CLK4: variants seen among roughly 807,000 people sequenced by gnomAD.
CLK4 encodes the protein CDC like kinase 4, also known as dual specificity protein kinase CLK4.
In CLK4, 37 loss-of-function variants were observed where a neutral mutation model predicts 64.4. The observed-to-expected ratio is 0.57, with a 90% confidence interval of 0.44 to 0.76. The LOEUF (loss-of-function observed/expected upper bound fraction) is 0.76. CLK4 is among the 30% of genes least tolerant of loss of function. The probability of loss-of-function intolerance (pLI) is 0.00; values close to 1 mark genes in which losing one functional copy is unlikely to be tolerated. For synonymous variants in CLK4, 175 were observed against 191.6 expected (o/e 0.91, Z 0.72); for missense variants, 457 against 605.1 (o/e 0.76, Z 2.57).
rs1231293975 is a variant in CLK4 at position 178,603,909 on chromosome 5, G to A, written c.1240C>T (p.Gln414Ter). ...TRKRKYFHHN[Q>*]LDWDEHSSAG... ...GAACTGTGTTCATCCCAATCTAGCT[G>A]GTTATGGTGAAAATACTTGCGTTTT... is the stretch of plus-strand genomic sequence containing the variant. The change falls in exon 12 of 13, where the codon CAG becomes TAG. Residue 414 changes from glutamine (Q) to a stop codon, truncating the protein, a stop_gained. Transcript: ENST00000316308. LOFTEE classifies it high-confidence loss of function. 6.2e-7 allele frequency: 1 copy of A among 1,606,980 alleles called. No homozygotes were observed. The highest frequency in any genetic ancestry group is 8.5e-7 in the Non-Finnish European group (1 of 1,178,076).
intron 5 of CLK4, among the ~76,000 whole-genome samples, chr5:178,615,819 T>A (rs1056118574): frequency 2.6e-5 from 4 of 152,018 alleles, no homozygotes; most frequent in Admixed American, 1.3e-4. Context: ...AAAATAGAGG[T>A]CCTAGAGGAA....
At chr5:178,609,749 AT>A (rs1764529349) in intron 9 of CLK4, among the ~76,000 whole-genome samples, 4 of 148,010 alleles carry the variant, frequency 2.7e-5, no homozygotes, top group South Asian at 4.2e-4. Context: ...ATATATATAT[AT>A]ATATATAAAT....
chr5:178,623,194 C>CA lies in CLK4; in HGVS notation c.161+61dup, dbSNP rs1193217423. Reference sequence around the variant, plus strand: ...ATTTGACAGATGAAAGCTATATAAGCAAATGACAAATCATTTAAAACTATT... The same window carrying CA: ...ATTTGACAGATGAAAGCTATATAAGCAAAATGACAAATCATTTAAAACTATT... On this transcript the variant is annotated intron_variant, in intron 2 of 12. Coordinates refer to ENST00000316308, the MANE Select transcript of CLK4 (RefSeq NM_020666.3). 4.2e-6 allele frequency: 6 copies of CA among 1,424,140 alleles called. No homozygotes were observed. The African/African-American group carries it at 8.5e-5, about 20-fold the overall frequency. 88.2% of individuals were successfully genotyped at this position (1,424,140 alleles called of 1,614,324 possible).
Position 178,617,658 on chromosome 5 carries a change from A to G in CLK4, c.385-224T>C. 2.7e-6 allele frequency: 1 copy of G among 367,766 alleles called. No homozygotes were observed. The highest frequency in any genetic ancestry group is 4.7e-6 in the Non-Finnish European group (1 of 211,704). The allele number at this position is 367,766 out of a possible 1,614,324, so 22.8% of individuals were successfully genotyped here. The stretch of plus-strand genomic sequence containing the variant: ...AACATGGCAAGGAACAGATTTTCAG[A>G]TAAGATACTTAAAGTGGCAATAGAA... On this transcript the variant is annotated intron_variant, in intron 3 of 12. Transcript: ENST00000316308. The surrounding 1 kb of genome is among the most constrained non-coding windows in gnomAD (Gnocchi z 5.2).
chr5:178,603,833 T>C lies in CLK4; in HGVS notation c.1305+11A>G, dbSNP rs749622627. 1 of 1,597,990 alleles carries C rather than the reference T, an allele frequency of 6.3e-7. No homozygotes were observed. On this transcript the variant is annotated intron_variant, in intron 12 of 12. Coordinates refer to ENST00000316308, the MANE Select transcript of CLK4 (RefSeq NM_020666.3). ...CGTGGTTTATTTAACCTTTAATCTT[T>C]TTTCTTTTACCTTCAACGGTTTGCA...
At chr5:178,625,254 C>A (rs1414260449) in intron 1 of CLK4, among the ~76,000 whole-genome samples, 1 of 152,002 alleles carries the variant, frequency 6.6e-6, no homozygotes, top group Non-Finnish European at 1.5e-5. Context: ...CTGGGCAACA[C>A]GGCGAAACCC....
chr5:178,622,705 T>C (rs1764725329), intron 2 of CLK4: 1 of 152,488 alleles, frequency 6.6e-6, no homozygotes, highest in African/African-American at 2.4e-5. Flanking sequence ...AGAATAGTTC[T>C]TAAATAAAGC....
rs747964600 is a variant in CLK4, at chr5:178,603,939, A to AG, written c.1215-6dup. ...TGGTGAAAATACTTGCGTTTTCTAC[A>AG]GAAAAAAAAAAAAAGTCTGGATTAG... On this transcript the variant is annotated splice_region_variant and splice_polypyrimidine_tract_variant and intron_variant, in intron 11 of 12. Transcript: ENST00000316308. 6.9e-6 allele frequency: 11 copies of AG among 1,584,102 alleles called. No homozygotes were observed. Among genetic ancestry groups the AG allele is most frequent in the Non-Finnish European group, 7.7e-6 (9 of 1,166,636 alleles).
At chr5:178,612,373 C>G in intron 9 of CLK4, 43 bp downstream of exon 9, 1 of 1,537,428 alleles carries the variant, frequency 6.5e-7, no homozygotes, top group South Asian at 1.2e-5. Context: ...GAACAAAAAT[C>G]TCTTCTTCAA....
chr5:178,606,060 C>T (rs1764463507), intron 10 of CLK4, among the ~76,000 whole-genome samples: 1 of 152,208 alleles, frequency 6.6e-6, no homozygotes. Context: ...CTGTGCCTTG[C>T]ATATTGCTTC....
intron 11 of CLK4, chr5:178,604,550 C>T (rs1398730354): frequency 4.0e-5 from 6 of 151,884 alleles, no homozygotes; most frequent in African/African-American, 9.7e-5. Context: ...GAAGCAGATC[C>T]GGGGAGGAGG....
At chr5:178,625,276 A>C (rs180813290) in intron 1 of CLK4, among the ~76,000 whole-genome samples, 1 of 152,060 alleles carries the variant, frequency 6.6e-6, no homozygotes, top group Non-Finnish European at 1.5e-5. Flanking sequence ...GCCTTTACAA[A>C]AAATACAAAA....
intron 8 of CLK4, 57 bp from the exon 9 acceptor site, chr5:178,612,602 C>T: frequency 2.6e-6 from 4 of 1,538,982 alleles, no homozygotes; most frequent in South Asian, 2.3e-5. Context: ...TATAGCGCTA[C>T]TCAAAAGGCC....
chr5:178,613,293 C>T (rs1764582678), intron 7 of CLK4, among the ~76,000 whole-genome samples, 180 bp downstream of exon 7: 1 of 151,976 alleles, frequency 6.6e-6, no homozygotes, highest in African/African-American at 2.4e-5. Flanking sequence ...TGGTGGTGGG[C>T]GCCTGTAGTC....
chr5:178,621,005 TG>T (rs1219148298), intron 2 of CLK4, among the ~76,000 whole-genome samples: 1 of 152,202 alleles, frequency 6.6e-6, no homozygotes, highest in Non-Finnish European at 1.5e-5. Context: ...GGCTTAGAGA[TG>T]GAATTGTCTA....
intron 5 of CLK4, among the ~76,000 whole-genome samples, chr5:178,615,146 T>C (rs573938281): frequency 6.6e-6 from 1 of 151,958 alleles, no homozygotes; most frequent in South Asian, 2.1e-4. Flanking sequence ...AGGCCAGGAG[T>C]TCCACACCAG....
At chr5:178,626,247 G>T (rs1764777989) in intron 1 of CLK4, among the ~76,000 whole-genome samples, 1 of 152,212 alleles carries the variant, frequency 6.6e-6, no homozygotes, top group Non-Finnish European at 1.5e-5. Context: ...AGTTTGCGGG[G>T]CGGTTTCCTA....
intron 10 of CLK4, 70 bp from the exon 11 acceptor site, chr5:178,605,452 A>T: frequency 3.2e-6 from 3 of 940,570 alleles, no homozygotes; most frequent in Non-Finnish European, 4.7e-6. Flanking sequence ...TGTTTAATCT[A>T]AAATTTTAGT....
chr5:178,603,602 C>T lies in CLK4; in HGVS notation c.*15G>A. ...TCTTCTAGAGAAGTATATAGTAAGA[C>T]CACTGATTCCCATTTCATTTCTTTT... On this transcript the variant is annotated 3_prime_UTR_variant, in exon 13 of 13. Transcript: ENST00000316308. The T allele has an allele frequency of 6.5e-7, 1 of 1,541,142 alleles. No individual in the cohort carries two copies. The highest frequency in any genetic ancestry group is 1.4e-5 in the African/African-American group (1 of 72,334).
Sources: allele counts gnomAD v4.1 joint callset (sites outside exome capture counted in the v4.1 genomes callset), GRCh38; gene constraint gnomAD v4.1.1; non-coding constraint Gnocchi (gnomAD v3.1); transcripts MANE v1.5; gene names NCBI Gene and HGNC (gene_info 2026-07-23, HGNC 2026-07-21).